AGPAT4: variants seen among roughly 807,000 people sequenced by gnomAD.
AGPAT4 encodes the protein 1-acylglycerol-3-phosphate O-acyltransferase 4, also known as 1-acyl-sn-glycerol-3-phosphate acyltransferase delta.
Under a neutral mutation model 48.0 loss-of-function variants are expected in AGPAT4, and 15 were observed. The ratio of observed to expected loss-of-function variants is 0.31; its 90% CI spans 0.21 to 0.48. The LOEUF is 0.48. Among genes scored for constraint, AGPAT4 ranks in the 20% least tolerant of loss-of-function variants. AGPAT4 has a pLI of 0.99. For synonymous variants in AGPAT4, 178 were observed against 198.7 expected, an observed-to-expected ratio of 0.90 and a Z score of 0.88; for missense variants, 314 against 482.5, an observed-to-expected ratio of 0.65 and a Z score of 3.27.
At position 161,234,030 on chromosome 6, in the gene AGPAT4, G is replaced by A. The variant is rs867513180; in HGVS notation, c.-89-1728C>T. 3.3e-5 allele frequency among the ~76,000 whole-genome samples: 5 copies of A among 152,166 alleles called. No individual in the cohort carries two copies. Among genetic ancestry groups the A allele is most frequent in the African/African-American group, 4.8e-5 (2 of 41,444 alleles). On this transcript the variant is annotated intron_variant, in intron 1 of 8. Transcript: ENST00000320285. The surrounding 1 kb of genome is among the most constrained non-coding windows in gnomAD (Gnocchi z 4.4). ...TAACTCCGAGCTCTTTCTCCTGCAC[G>A]TGTCAGGGGTGTTCTGCTCCTGAGA... is the stretch of plus-strand genomic sequence containing the variant.
rs1781084339 is a variant in AGPAT4, at chr6:161,196,903, C to T, written c.179-30486G>A. The stretch of plus-strand genomic sequence containing the variant: ...GTCAAGAAAGTCACATCAGGACTTG[C>T]TCACTGACCAAACATTTGGGCACTT... On this transcript the variant is annotated intron_variant, in intron 2 of 8. Coordinates refer to ENST00000320285, the MANE Select transcript of AGPAT4 (RefSeq NM_020133.3). This position sits in a 1 kb window ranked among gnomAD's most constrained non-coding sequence, Gnocchi z 4.3. Among the ~76,000 whole-genome samples the T allele has an allele frequency of 6.6e-6, 1 of 151,916 alleles. No individual in the cohort carries two copies. Among genetic ancestry groups the T allele is most frequent in the Non-Finnish European group, 1.5e-5 (1 of 68,020 alleles).
chr6:161,190,423 A>AGTGATTT (rs369629136), intron 2 of AGPAT4, among the ~76,000 whole-genome samples: 293 of 152,274 alleles, frequency 1.9e-3, no homozygotes, highest in African/African-American at 6.8e-3. Flanking sequence ...TAAAAGGCAG[A>AGTGATTT]GTGATTTGAT....
intron 1 of AGPAT4, among the ~76,000 whole-genome samples, chr6:161,252,644 G>GAAATCCTGTCTCT (rs11268813): frequency 2.6e-5 from 4 of 151,898 alleles, no homozygotes; most frequent in African/African-American, 9.7e-5. Context: ...GCAACATGGT[G>GAAATCCTGTCTCT]ACAAAAAATA....
In AGPAT4 at chr6:161,202,674, G is replaced by A. The variant is rs1781267295; in HGVS notation, c.178+29362C>T. Among the ~76,000 whole-genome samples the A allele has an allele frequency of 1.3e-5, 2 of 151,950 alleles. No individual in the cohort carries two copies. On this transcript the variant is annotated intron_variant, in intron 2 of 8. Transcript: ENST00000320285. This position sits in a 1 kb window ranked among gnomAD's most constrained non-coding sequence, Gnocchi z 5.4. ...CTAGAATGTAAGTCATTCCCCCATCGAGAGGTAAAATGGAATTTCCCCTTT... is the reference window on the plus strand; with the variant it reads ...CTAGAATGTAAGTCATTCCCCCATCAAGAGGTAAAATGGAATTTCCCCTTT...
rs118042132 is a variant in AGPAT4 at position 161,197,028 on chromosome 6, G to A, written c.179-30611C>T. On this transcript the variant is annotated intron_variant, in intron 2 of 8. Coordinates refer to ENST00000320285, the MANE Select transcript of AGPAT4 (RefSeq NM_020133.3). The surrounding 1 kb of genome is among the most constrained non-coding windows in gnomAD (Gnocchi z 5.7). ...AATTCTGTGTCCAATGGAGGAGGCA[G>A]TAATAGAAGCGCACAAGAGGTGAGT... Among the ~76,000 whole-genome samples the A allele has an allele frequency of 2.7e-3, 407 of 152,270 alleles. 2 individuals carry two copies. Among genetic ancestry groups the A allele is most frequent in the Admixed American group, 4.4e-3 (67 of 15,306 alleles).
chr6:161,205,850 T>A, intron 2 of AGPAT4, among the ~76,000 whole-genome samples: 1 of 152,166 alleles, frequency 6.6e-6, no homozygotes, highest in Non-Finnish European at 1.5e-5. Context: ...TTAAAATAGT[T>A]CTTCTAGATT....
chr6:161,206,709 G>C lies in AGPAT4; in HGVS notation c.178+25327C>G, dbSNP rs929877888. Among the ~76,000 whole-genome samples, 1 of 152,024 alleles carries C rather than the reference G, an allele frequency of 6.6e-6. No individual in the cohort carries two copies. Among genetic ancestry groups the C allele is most frequent in the Non-Finnish European group, 1.5e-5 (1 of 68,026 alleles). On this transcript the variant is annotated intron_variant, in intron 2 of 8. Transcript: ENST00000320285. The surrounding 1 kb of genome is among the most constrained non-coding windows in gnomAD (Gnocchi z 4.8). ...AGACAATTGACACATGCCAACCCTG[G>C]GATGACACAGACATGGAAGATATTT...
In AGPAT4 at chr6:161,204,530, G is replaced by A. The variant is rs1781326421; in HGVS notation, c.178+27506C>T. 6.6e-6 allele frequency among the ~76,000 whole-genome samples: 1 copy of A among 152,016 alleles called. No individual in the cohort carries two copies. Among genetic ancestry groups the A allele is most frequent in the South Asian group, 2.1e-4 (1 of 4,822 alleles). On this transcript the variant is annotated intron_variant, in intron 2 of 8. Transcript: ENST00000320285. The surrounding 1 kb of genome is among the most constrained non-coding windows in gnomAD (Gnocchi z 4.4). The stretch of plus-strand genomic sequence containing the variant: ...CCTTTCCAGCTATATTTATCCTTCA[G>A]CTGAAGACAATTATCTAGAAACAGC...
rs1779477138 is a variant in AGPAT4, at chr6:161,147,859, ATG to A, written c.768-1262_768-1261del. Reference sequence around the variant, plus strand: ...CTTGATGTTTCAGTGCTTTGTACTGATGTGTGTTCAGAAACATGCCTCAATCA... The same window carrying A: ...CTTGATGTTTCAGTGCTTTGTACTGATGTGTTCAGAAACATGCCTCAATCA... On this transcript the variant is annotated intron_variant, in intron 6 of 8. Transcript: ENST00000320285. The surrounding 1 kb of genome is among the most constrained non-coding windows in gnomAD (Gnocchi z 4.8). 6.6e-6 allele frequency among the ~76,000 whole-genome samples: 1 copy of A among 152,224 alleles called. No individual in the cohort carries two copies. Among genetic ancestry groups the A allele is most frequent in the Non-Finnish European group, 1.5e-5 (1 of 68,050 alleles).
rs933522352 is a variant in AGPAT4, at chr6:161,238,434, T to C, written c.-89-6132A>G. On this transcript the variant is annotated intron_variant, in intron 1 of 8. Transcript: ENST00000320285. This position sits in a 1 kb window ranked among gnomAD's most constrained non-coding sequence, Gnocchi z 5.2. The stretch of plus-strand genomic sequence containing the variant: ...TCTCCTGGGAAAGCCAATGAGATGG[T>C]CGTCAACTCAGTTTTCCTTCTCTAC... Among the ~76,000 whole-genome samples the C allele has an allele frequency of 6.6e-6, 1 of 152,216 alleles. No individual in the cohort carries two copies. The highest frequency in any genetic ancestry group is 2.4e-5 in the African/African-American group (1 of 41,460).
In AGPAT4 at chr6:161,136,111, G is replaced by A. The variant is rs1779056364; in HGVS notation, c.*429C>T. The A allele has an allele frequency of 5.9e-6, 1 of 168,074 alleles. No individual in the cohort carries two copies. Among genetic ancestry groups the A allele is most frequent in the South Asian group, 1.6e-4 (1 of 6,342 alleles). The allele number at this position is 168,074 out of a possible 1,614,324, so 10.4% of individuals were successfully genotyped here. A position where few individuals can be genotyped will look rare whatever the true frequency, so the allele number is the denominator to read the frequency against. ...GCACTTTAATTTTTTTTTCTTGGAG[G>A]CATAATTTAGTCATCTCACCTAAAG... On this transcript the variant is annotated 3_prime_UTR_variant, in exon 9 of 9. Coordinates refer to ENST00000320285, the MANE Select transcript of AGPAT4 (RefSeq NM_020133.3).
At chr6:161,213,215 C>T (rs1442500059) in intron 2 of AGPAT4, among the ~76,000 whole-genome samples, 1 of 152,154 alleles carries the variant, frequency 6.6e-6, no homozygotes, top group Non-Finnish European at 1.5e-5. Flanking sequence ...TGAGATTCCT[C>T]CTATGGAACA....
At chr6:161,256,487 T>G (rs1236577245) in intron 1 of AGPAT4, among the ~76,000 whole-genome samples, 1 of 152,230 alleles carries the variant, frequency 6.6e-6, no homozygotes, top group Non-Finnish European at 1.5e-5. Flanking sequence ...CTGCCGTGTG[T>G]CATGGATGAA....
rs1351883460 is a variant in AGPAT4, at chr6:161,223,590, T to TTTAA, written c.178+8445_178+8446insTTAA. On this transcript the variant is annotated intron_variant, in intron 2 of 8. Transcript: ENST00000320285. The surrounding 1 kb of genome is among the most constrained non-coding windows in gnomAD (Gnocchi z 6.3). ...ATCAACACGTGACAAATGTAGCGAG[T>TTTAA]GTAATGACTGCAGCTGAAAATAGCT... Among the ~76,000 whole-genome samples, 2 of 152,222 alleles carry TTTAA rather than the reference T, an allele frequency of 1.3e-5. No homozygotes were observed. Among genetic ancestry groups the TTTAA allele is most frequent in the Non-Finnish European group, 2.9e-5 (2 of 68,022 alleles).
In AGPAT4 at chr6:161,232,710, G is replaced by A. The variant is rs1233574040; in HGVS notation, c.-89-408C>T. 1.3e-5 allele frequency among the ~76,000 whole-genome samples: 2 copies of A among 152,120 alleles called. No homozygotes were observed. The highest frequency in any genetic ancestry group is 2.9e-5 in the Non-Finnish European group (2 of 68,026). On this transcript the variant is annotated intron_variant, in intron 1 of 8. Transcript: ENST00000320285. The surrounding 1 kb of genome is among the most constrained non-coding windows in gnomAD (Gnocchi z 6.8). ...TCCCCTCCTGCTGCCATCGCGGCCTGAGCCCCATTCTCTCACCCCTAGCCC... is the reference window on the plus strand; with the variant it reads ...TCCCCTCCTGCTGCCATCGCGGCCTAAGCCCCATTCTCTCACCCCTAGCCC...
Position 161,206,044 on chromosome 6 carries a change from G to A in AGPAT4, c.178+25992C>T, listed in dbSNP as rs1245802414. ...ACATGGTGGTGAACTCTTTGTACTC[G>A]TATGTTTTTTCAAGCCCGTGCGATG... On this transcript the variant is annotated intron_variant, in intron 2 of 8. Coordinates refer to ENST00000320285, the MANE Select transcript of AGPAT4 (RefSeq NM_020133.3). This position sits in a 1 kb window ranked among gnomAD's most constrained non-coding sequence, Gnocchi z 4.8. Among the ~76,000 whole-genome samples, 2 of 152,078 alleles carry A rather than the reference G, an allele frequency of 1.3e-5. No homozygotes were observed. Among genetic ancestry groups the A allele is most frequent in the Non-Finnish European group, 2.9e-5 (2 of 68,020 alleles).
rs922018904 is a variant in AGPAT4 at position 161,244,186 on chromosome 6, G to A, written c.-89-11884C>T. ...AACAGACATACAGCGAGGAGCTGAC[G>A]ACACAATTCTAACAAATACAGAAGA... is the stretch of plus-strand genomic sequence containing the variant. On this transcript the variant is annotated intron_variant, in intron 1 of 8. Transcript: ENST00000320285. This position sits in a 1 kb window ranked among gnomAD's most constrained non-coding sequence, Gnocchi z 4.7. 5.3e-5 allele frequency among the ~76,000 whole-genome samples: 8 copies of A among 152,128 alleles called. No individual in the cohort carries two copies. The highest frequency in any genetic ancestry group is 2.0e-4 in the Admixed American group (3 of 15,274).
intron 2 of AGPAT4, among the ~76,000 whole-genome samples, chr6:161,207,015 A>G (rs1235433418): frequency 6.6e-6 from 1 of 152,208 alleles, no homozygotes; most frequent in African/African-American, 2.4e-5. Flanking sequence ...TCAGTTATCT[A>G]ATGGAATATT....
rs996896580 is a variant in AGPAT4, at chr6:161,267,492, T to C, written c.-90+6446A>G. Among the ~76,000 whole-genome samples, 2 of 152,054 alleles carry C rather than the reference T, an allele frequency of 1.3e-5. No individual in the cohort carries two copies. The highest frequency in any genetic ancestry group is 4.8e-5 in the African/African-American group (2 of 41,400). Reference sequence around the variant, plus strand: ...ACTTTGGGAGGCCACACTGGGCAGATTGCTTGAAGTCAGGAGTTCGAGACC... The same window carrying C: ...ACTTTGGGAGGCCACACTGGGCAGACTGCTTGAAGTCAGGAGTTCGAGACC... On this transcript the variant is annotated intron_variant, in intron 1 of 8. Coordinates refer to ENST00000320285, the MANE Select transcript of AGPAT4 (RefSeq NM_020133.3). This position sits in a 1 kb window ranked among gnomAD's most constrained non-coding sequence, Gnocchi z 5.2.
Sources: gnomAD v4.1 joint callset for allele counts (sites outside exome capture counted in the v4.1 genomes callset) on GRCh38, gnomAD v4.1.1 for gene constraint, Gnocchi (gnomAD v3.1) non-coding constraint, MANE v1.5 for transcripts, NCBI Gene and HGNC (gene_info 2026-07-23, HGNC 2026-07-21) for gene names.